NEK3: variants seen among roughly 807,000 people sequenced by gnomAD.
NEK3 encodes NIMA related kinase 3, also known as serine/threonine-protein kinase Nek3.
In NEK3, 54 loss-of-function variants were observed where a neutral mutation model predicts 66.0. That is an observed-to-expected ratio of 0.82 (90% confidence interval 0.66 to 1.03). The LOEUF is 1.03. Among genes scored for constraint, NEK3 ranks in the 50% least tolerant of loss-of-function variants. The probability of loss-of-function intolerance (pLI) is 0.00; values close to 1 mark genes in which losing one functional copy is unlikely to be tolerated. For synonymous variants in NEK3, 200 were observed against 206.2 expected, an observed-to-expected ratio of 0.97 and a Z score of 0.26; for missense variants, 593 against 603.0, an observed-to-expected ratio of 0.98 and a Z score of 0.17.
At chr13:52,154,624 TAA>T (rs888707281) in intron 2 of NEK3, among the ~76,000 whole-genome samples, 5 of 151,486 alleles carry the variant, frequency 3.3e-5, no homozygotes, top group Admixed American at 6.6e-5. Flanking sequence ...CTGGTCCAGA[TAA>T]AAAAAGAGTA....
chr13:52,156,187 T>A lies in NEK3; in HGVS notation c.5A>T (p.Asp2Val). The change falls in exon 2 of 16, where the codon GAT becomes GTT. Residue 2 changes from aspartate to valine, a missense_variant. By Grantham distance (152) the Asp-to-Val change is radical (BLOSUM62 -3). Coordinates refer to ENST00000610828, the MANE Select transcript of NEK3 (RefSeq NM_002498.3). ...AATCATTCTCAGGACCATGTAGTCA[T>A]CCATGCTGGGGCATCCACACAGCTG... Reference protein sequence around the residue: MDDYMVLRMIGE... With the variant: MVDYMVLRMIGE... 1 of 1,588,420 alleles carries A rather than the reference T, an allele frequency of 6.3e-7. No individual in the cohort carries two copies. Among genetic ancestry groups the A allele is most frequent in the South Asian group, 1.1e-5 (1 of 87,296 alleles).
At position 52,133,788 on chromosome 13, in the gene NEK3, A is replaced by C. The variant is rs200805375; in HGVS notation, c.1337T>G (p.Leu446Arg). 390 of 1,598,834 alleles carry C rather than the reference A, an allele frequency of 2.4e-4. No homozygotes were observed. Among genetic ancestry groups the C allele is most frequent in the Non-Finnish European group, 2.3e-4 (271 of 1,172,108 alleles). The change falls in exon 15 of 16, where the codon CTG becomes CGG. Residue 446 changes from leucine (L) to arginine (R), a missense_variant. Physicochemically the swap from Leu to Arg is moderately radical, Grantham distance 102. Transcript: ENST00000610828. The stretch of plus-strand genomic sequence containing the variant: ...GTCCGATGCTTCTGTTTCTTCAGAC[A>C]GGGGGCCTTTCAAGAACCCTTCTGA... ...PGSEGFLKGP[L>R]SEETEASDSV...
In NEK3 at chr13:52,145,365, G is replaced by T. The variant is rs899328424; in HGVS notation, c.604-474C>A. Among the ~76,000 whole-genome samples, 7 of 152,270 alleles carry T rather than the reference G, an allele frequency of 4.6e-5. No homozygotes were observed. In the South Asian group the frequency reaches 1.0e-3, roughly 23 times the overall value. On this transcript the variant is annotated intron_variant, in intron 8 of 15. Transcript: ENST00000610828. Reference sequence around the variant, plus strand: ...GGTTTTTTGGCTTGAGTGTGATGGTGCAATCACAGCTCACTGCATCTTTGA... The same window carrying T: ...GGTTTTTTGGCTTGAGTGTGATGGTTCAATCACAGCTCACTGCATCTTTGA...
chr13:52,156,254 T>G lies in NEK3; in HGVS notation c.-57-6A>C, dbSNP rs781176020. On this transcript the variant is annotated splice_region_variant and splice_polypyrimidine_tract_variant and intron_variant, in intron 1 of 15. Coordinates refer to ENST00000610828, the MANE Select transcript of NEK3 (RefSeq NM_002498.3). ...TCACCATGGGCTCTCCCAAACTGCA[T>G]TCAAAAGCAGAAACATTTGAGAATT... 2.1e-6 allele frequency: 2 copies of G among 942,814 alleles called. No individual in the cohort carries two copies. The allele number at this position is 942,814 out of a possible 1,614,324, so 58.4% of individuals were successfully genotyped here. A position where few individuals can be genotyped will look rare whatever the true frequency, so the allele number is the denominator to read the frequency against.
chr13:52,143,913 AC>A lies in NEK3; in HGVS notation c.877+1del, dbSNP rs1277302339. On this transcript the variant is annotated splice_donor_variant, in intron 10 of 15. Transcript: ENST00000610828. LOFTEE classifies it high-confidence loss of function. ...CAAAAAATACTCTGTCAAAATTCTT[AC>A]TTTTTTTTCTTGGTGTGTTATGCTT... 2.2e-6 allele frequency: 3 copies of A among 1,374,090 alleles called. No homozygotes were observed. The African/African-American group carries it at 6.2e-5, about 28-fold the overall frequency. 85.1% of individuals were successfully genotyped at this position (1,374,090 alleles called of 1,614,324 possible).
Position 52,136,292 on chromosome 13 carries a change from C to G in NEK3, c.1031-33G>C, listed in dbSNP as rs1228363254. ...TAAAGTGTGAAAAAGGAATGCCAAG[C>G]ATGTGAAATTATGTATCCATCTCTG... is the stretch of plus-strand genomic sequence containing the variant. On this transcript the variant is annotated intron_variant, in intron 12 of 15. Coordinates refer to ENST00000610828, the MANE Select transcript of NEK3 (RefSeq NM_002498.3). 3 of 1,610,022 alleles carry G rather than the reference C, an allele frequency of 1.9e-6. No individual in the cohort carries two copies. The South Asian group carries it at 3.3e-5, about 18-fold the overall frequency.
Position 52,133,120 on chromosome 13 carries a change from C to G in NEK3, c.*22G>C. On this transcript the variant is annotated 3_prime_UTR_variant, in exon 16 of 16. Transcript: ENST00000610828. The stretch of plus-strand genomic sequence containing the variant: ...TGAGTGAAGCCTCTCCTCAGCGTGA[C>G]TCAGGAACATTTCCTCAGGCATTAT... The G allele has an allele frequency of 6.3e-7, 1 of 1,594,164 alleles. No individual in the cohort carries two copies. Among genetic ancestry groups the G allele is most frequent in the Non-Finnish European group, 8.6e-7 (1 of 1,167,480 alleles).
intron 8 of NEK3, among the ~76,000 whole-genome samples, chr13:52,147,742 C>T (rs150039580): frequency 0.039 from 5,912 of 151,902 alleles, 127 homozygotes; most frequent in South Asian, 0.064. Flanking sequence ...GAGGCCGAGG[C>T]GAGTGGATCA....
intron 7 of NEK3, 29 bp downstream of exon 7, chr13:52,151,117 C>G (rs781006368): frequency 6.4e-7 from 1 of 1,568,884 alleles, no homozygotes. Flanking sequence ...ACCAAATGGG[C>G]ACCCTGACAT....
At position 52,151,317 on chromosome 13, in the gene NEK3, A is replaced by G; in HGVS notation, c.461+8T>C. ...TTACTGTCACTACCGTAGAACAGAC[A>G]TACATACTTGGAGAGAAGACGGGCA... On this transcript the variant is annotated splice_region_variant and intron_variant, in intron 6 of 15. Transcript: ENST00000610828. The G allele has an allele frequency of 6.3e-7, 1 of 1,598,552 alleles. No homozygotes were observed. Among genetic ancestry groups the G allele is most frequent in the Non-Finnish European group, 8.5e-7 (1 of 1,172,044 alleles).
intron 8 of NEK3, among the ~76,000 whole-genome samples, chr13:52,145,927 A>C (rs537804473): frequency 6.6e-6 from 1 of 152,350 alleles, no homozygotes; most frequent in South Asian, 2.1e-4. Flanking sequence ...TACTCTGAAC[A>C]TGTACCCCAG....
Position 52,148,406 on chromosome 13 carries a change from C to T in NEK3, c.603+9G>A. 2 of 1,612,586 alleles carry T rather than the reference C, an allele frequency of 1.2e-6. No homozygotes were observed. ...AAGCTGCCTTTTCCATTTTGCACGCCATACTTACTGGATGCTTAAGGGTAC... is the reference window on the plus strand; with the variant it reads ...AAGCTGCCTTTTCCATTTTGCACGCTATACTTACTGGATGCTTAAGGGTAC... On this transcript the variant is annotated intron_variant, in intron 8 of 15. Coordinates refer to ENST00000610828, the MANE Select transcript of NEK3 (RefSeq NM_002498.3).
Position 52,132,909 on chromosome 13 carries a change from C to A in NEK3, c.*233G>T. 1 of 457,040 alleles carries A rather than the reference C, an allele frequency of 2.2e-6. No individual in the cohort carries two copies. The highest frequency in any genetic ancestry group is 3.9e-6 in the Non-Finnish European group (1 of 254,010). The allele number at this position is 457,040 out of a possible 1,614,324, so 28.3% of individuals were successfully genotyped here. On this transcript the variant is annotated 3_prime_UTR_variant, in exon 16 of 16. Coordinates refer to ENST00000610828, the MANE Select transcript of NEK3 (RefSeq NM_002498.3). ...TTCTGTTCTATGGGACTGCAAAGCC[C>A]GATGCTCACACTCATTCCACTATAC...
chr13:52,152,036 C>T (rs1438816675), intron 5 of NEK3, among the ~76,000 whole-genome samples: 1 of 152,168 alleles, frequency 6.6e-6, no homozygotes, highest in Non-Finnish European at 1.5e-5. Flanking sequence ...GCTCACACAA[C>T]AAAATCACCT....
rs768854089 is a variant in NEK3 at position 52,133,832 on chromosome 13, C to G, written c.1310-17G>C. The G allele has an allele frequency of 3.8e-6, 6 of 1,586,890 alleles. No homozygotes were observed. The highest frequency in any genetic ancestry group is 1.3e-5 in the African/African-American group (1 of 74,468). ...CTTCTGAACCTTCAGGAGATATTAA[C>G]AGAAAATATACCAATTTAAACAGTA... On this transcript the variant is annotated splice_polypyrimidine_tract_variant and intron_variant, in intron 14 of 15. Coordinates refer to ENST00000610828, the MANE Select transcript of NEK3 (RefSeq NM_002498.3).
chr13:52,155,456 A>C (rs975493982), intron 2 of NEK3, among the ~76,000 whole-genome samples: 2 of 152,178 alleles, frequency 1.3e-5, no homozygotes, highest in African/African-American at 4.8e-5. Context: ...GCTCTGGCAA[A>C]GATTTCCTGC....
chr13:52,149,989 A>G (rs1358369642), intron 7 of NEK3, among the ~76,000 whole-genome samples: 1 of 152,196 alleles, frequency 6.6e-6, no homozygotes, highest in African/African-American at 2.4e-5. Context: ...ATCACATCCA[A>G]GGAATTTAAT....
Position 52,154,008 on chromosome 13 carries a change from G to A in NEK3, c.212-16C>T. ...TGTCCTTCAGCTAAAACAGATATAA[G>A]CTCTTTAGAAAAGCTGTAGTGGCTA... On this transcript the variant is annotated splice_polypyrimidine_tract_variant and intron_variant, in intron 3 of 15. Transcript: ENST00000610828. The A allele has an allele frequency of 6.2e-7, 1 of 1,606,808 alleles. No homozygotes were observed. The highest frequency in any genetic ancestry group is 1.1e-5 in the South Asian group (1 of 90,836).
At chr13:52,144,630 TAAC>T (rs1956278158) in intron 9 of NEK3, 58 bp downstream of exon 9, 14 of 1,340,710 alleles carry the variant, frequency 1.0e-5, no homozygotes, top group Non-Finnish European at 1.5e-5. Flanking sequence ...TGTTAAAAGA[TAAC>T]AAACCATTTT....
Sources: gnomAD v4.1 joint callset for allele counts (sites outside exome capture counted in the v4.1 genomes callset) on GRCh38, gnomAD v4.1.1 for gene constraint, MANE v1.5 for transcripts, NCBI Gene and HGNC (gene_info 2026-07-23, HGNC 2026-07-21) for gene names.